DCC: variants seen among roughly 807,000 people sequenced by gnomAD.
DCC encodes the protein netrin receptor DCC.
In DCC, 58 loss-of-function variants were observed where a neutral mutation model predicts 172.5. That is an observed-to-expected ratio of 0.34 (90% CI 0.27 to 0.42). The LOEUF (loss-of-function observed/expected upper bound fraction) is 0.42. Ranked by LOEUF, DCC falls within the 10% of genes least tolerant of loss-of-function variation. DCC has a pLI of 1.00. For synonymous variants in DCC, 709 were observed against 644.5 expected, an observed-to-expected ratio of 1.10 and a Z score of -1.52; for missense variants, 1,740 against 1,791.0, an observed-to-expected ratio of 0.97 and a Z score of 0.51.
chr18:53,176,036 T>C (rs1349882685), intron 8 of DCC, among the ~76,000 whole-genome samples: 10 of 149,700 alleles, frequency 6.7e-5, no homozygotes, highest in East Asian at 2.0e-4. Context: ...TATCTACAAC[T>C]ATCTGATCTT....
chr18:52,575,579 C>G (rs1169007478), intron 1 of DCC, among the ~76,000 whole-genome samples: 1 of 152,042 alleles, frequency 6.6e-6, no homozygotes, highest in Non-Finnish European at 1.5e-5. Context: ...CATTCTTTGA[C>G]TATTTGAGTT....
intron 22 of DCC, among the ~76,000 whole-genome samples, chr18:53,442,159 T>C (rs1912317915): frequency 6.6e-6 from 1 of 152,252 alleles, no homozygotes; most frequent in Admixed American, 6.5e-5. Context: ...TGTAATTTTA[T>C]ACAGGCATCC....
chr18:52,623,641 G>A (rs937705580), intron 1 of DCC, among the ~76,000 whole-genome samples: 1 of 152,166 alleles, frequency 6.6e-6, no homozygotes, highest in African/African-American at 2.4e-5. Flanking sequence ...GGATTACATA[G>A]ATTGGTTTAT....
chr18:52,977,861 G>A (rs893980564), intron 5 of DCC, among the ~76,000 whole-genome samples: 1 of 150,440 alleles, frequency 6.6e-6, no homozygotes, highest in Non-Finnish European at 1.5e-5. Flanking sequence ...CTCCAGCCTG[G>A]GCGACAGAGC....
intron 7 of DCC, among the ~76,000 whole-genome samples, chr18:53,115,077 T>C (rs1185998784): frequency 1.3e-5 from 2 of 151,540 alleles, no homozygotes; most frequent in East Asian, 2.0e-4. Flanking sequence ...CTTAAAAAAA[T>C]ACTTAATATT....
intron 15 of DCC, among the ~76,000 whole-genome samples, chr18:53,350,953 C>A (rs988328777): frequency 6.6e-6 from 1 of 151,332 alleles, no homozygotes; most frequent in Non-Finnish European, 1.5e-5. Context: ...GAGAAGTGAG[C>A]GGGGATAAGA....
chr18:52,949,608 T>A (rs2040603317), intron 5 of DCC, among the ~76,000 whole-genome samples: 1 of 152,326 alleles, frequency 6.6e-6, no homozygotes, highest in Middle Eastern at 3.4e-3. Flanking sequence ...GAAGATTTAA[T>A]CCTAAGTTCT....
intron 1 of DCC, among the ~76,000 whole-genome samples, chr18:52,686,611 T>A (rs1157752974): frequency 6.6e-6 from 1 of 152,096 alleles, no homozygotes; most frequent in African/African-American, 2.4e-5. Flanking sequence ...CAGAACCCCA[T>A]TAGATCCACA....
At chr18:52,737,333 T>G (rs2145105687) in intron 1 of DCC, among the ~76,000 whole-genome samples, 1 of 152,238 alleles carries the variant, frequency 6.6e-6, no homozygotes, top group African/African-American at 2.4e-5. Flanking sequence ...GGACTTCCAG[T>G]TACCCAGACA....
intron 1 of DCC, among the ~76,000 whole-genome samples, chr18:52,444,919 A>G (rs1988075581): frequency 6.6e-6 from 1 of 152,212 alleles, no homozygotes; most frequent in Non-Finnish European, 1.5e-5. Flanking sequence ...ACAGACACAC[A>G]GTGGATCACT....
At chr18:52,797,117 C>A (rs2037890715) in intron 2 of DCC, among the ~76,000 whole-genome samples, 5 of 151,654 alleles carry the variant, frequency 3.3e-5, no homozygotes, top group Admixed American at 3.3e-4. Flanking sequence ...ACTTTTGGTG[C>A]TCTTAACATA....
In DCC at chr18:52,616,221, A is replaced by G. The variant is rs184297920; in HGVS notation, c.92-135833A>G. Among the ~76,000 whole-genome samples, 9 of 152,156 alleles carry G rather than the reference A, an allele frequency of 5.9e-5. No homozygotes were observed. In the East Asian group the frequency reaches 1.7e-3, roughly 29 times the overall value. ...GGATAACACTTGGCATTTAGTTGTC[A>G]TGGTGTTCAGTCTCTGCTGGTCTGT... On this transcript the variant is annotated intron_variant, in intron 1 of 28. Coordinates refer to ENST00000442544, the MANE Select transcript of DCC (RefSeq NM_005215.4).
At chr18:52,955,449 A>G (rs902691023) in intron 5 of DCC, among the ~76,000 whole-genome samples, 1 of 151,932 alleles carries the variant, frequency 6.6e-6, no homozygotes, top group Non-Finnish European at 1.5e-5. Context: ...TCATTTACCT[A>G]TCGAGGGGCA....
chr18:53,177,142 A>G (rs2055111976), intron 8 of DCC, among the ~76,000 whole-genome samples: 1 of 150,370 alleles, frequency 6.7e-6, no homozygotes, highest in African/African-American at 2.4e-5. Context: ...GATCACATGG[A>G]CACAGGAAGG....
At chr18:52,392,889 CA>C (rs1555677342) in intron 1 of DCC, among the ~76,000 whole-genome samples, 1 of 151,886 alleles carries the variant, frequency 6.6e-6, no homozygotes, top group Non-Finnish European at 1.5e-5. Flanking sequence ...CTGTTTCTGG[CA>C]AAAAGGAGGA....
At chr18:52,728,173 G>A (rs190454815) in intron 1 of DCC, among the ~76,000 whole-genome samples, 29 of 149,148 alleles carry the variant, frequency 1.9e-4, no homozygotes, top group South Asian at 1.9e-3. Context: ...TGTGGGCCCC[G>A]TCTCTCTCTC....
chr18:53,318,743 C>CT (rs1470364171), intron 13 of DCC, among the ~76,000 whole-genome samples: 87 of 119,218 alleles, frequency 7.3e-4, no homozygotes, highest in African/African-American at 2.2e-3. Flanking sequence ...TAATGCCCTT[C>CT]TTCGTTGGGT....
chr18:53,103,838 T>A (rs1243047790), intron 7 of DCC, among the ~76,000 whole-genome samples: 1 of 151,994 alleles, frequency 6.6e-6, no homozygotes, highest in Non-Finnish European at 1.5e-5. Flanking sequence ...CATGTGAGTG[T>A]CCTTATTCAT....
At position 52,820,812 on chromosome 18, in the gene DCC, G is replaced by A. The variant is rs1234033429; in HGVS notation, c.412+68438G>A. On this transcript the variant is annotated intron_variant, in intron 2 of 28. Coordinates refer to ENST00000442544, the MANE Select transcript of DCC (RefSeq NM_005215.4). Reference sequence around the variant, plus strand: ...TTCAAGTCTAACCTCAGAGACACTAGCAATTAGAAGTTAGGAATTCAGGGT... The same window carrying A: ...TTCAAGTCTAACCTCAGAGACACTAACAATTAGAAGTTAGGAATTCAGGGT... 2.0e-5 allele frequency among the ~76,000 whole-genome samples: 3 copies of A among 152,252 alleles called. No individual in the cohort carries two copies. The South Asian group carries it at 6.2e-4, about 32-fold the overall frequency.
Sources: gnomAD v4.1 joint callset for allele counts (sites outside exome capture counted in the v4.1 genomes callset) on GRCh38, gnomAD v4.1.1 for gene constraint, MANE v1.5 for transcripts, NCBI Gene and HGNC (gene_info 2026-07-23, HGNC 2026-07-21) for gene names.